WAPL: variants seen among roughly 807,000 people sequenced by gnomAD.
WAPL encodes the protein wings apart-like protein homolog.
Under a neutral mutation model 121.0 loss-of-function variants are expected in WAPL, and 5 were observed. The observed-to-expected ratio is 0.04, with a 90% CI of 0.02 to 0.09. WAPL has a LOEUF of 0.09. Ranked by LOEUF, WAPL falls within the 10% of genes least tolerant of loss-of-function variation. The pLI is 1.00. For synonymous variants in WAPL, 480 were observed against 481.5 expected, an observed-to-expected ratio of 1.00 and a Z score of 0.04; for missense variants, 999 against 1,410.8, an observed-to-expected ratio of 0.71 and a Z score of 4.68.
At chr10:86,498,445 G>A (rs1842189646) in intron 3 of WAPL, among the ~76,000 whole-genome samples, 1 of 152,018 alleles carries the variant, frequency 6.6e-6, no homozygotes. Flanking sequence ...GGGTACTCCT[G>A]TGTATGTCTA....
chr10:86,446,562 A>T, intron 15 of WAPL, 113 bp from the exon 16 acceptor site: 1 of 1,199,226 alleles, frequency 8.3e-7, no homozygotes, highest in Non-Finnish European at 1.1e-6. Flanking sequence ...TAAGATGGTT[A>T]TGTGATAAAA....
chr10:86,519,325 C>A (rs907141837), intron 1 of WAPL, among the ~76,000 whole-genome samples: 1 of 152,080 alleles, frequency 6.6e-6, no homozygotes, highest in South Asian at 2.1e-4. Context: ...AAAAAGTGAA[C>A]AAGGGCCTAA....
In WAPL at chr10:86,497,267, C is replaced by A; in HGVS notation, c.1578G>T (p.Lys526Asn). ...ATTTATCTCCTTGTTTATTTATGGG[C>A]TTCTTCACACTTTCAGGCACACCAG... ...DLPGVPESVKKPINKQGDKSK... is the reference protein window; with the variant it reads ...DLPGVPESVKNPINKQGDKSK... The change falls in exon 4 of 19, where the codon AAG becomes AAT. Residue 526 changes from lysine to asparagine, a missense_variant. Physicochemically the swap from Lys to Asn is moderately conservative, Grantham distance 94 (BLOSUM62 0). Transcript: ENST00000298767. The A allele has an allele frequency of 6.2e-7, 1 of 1,612,580 alleles. No homozygotes were observed. Among genetic ancestry groups the A allele is most frequent in the Non-Finnish European group, 8.5e-7 (1 of 1,179,630 alleles).
rs940616484 is a variant in WAPL, at chr10:86,472,416, C to A, written c.1894-72G>T. 7 of 1,554,596 alleles carry A rather than the reference C, an allele frequency of 4.5e-6. No homozygotes were observed. The South Asian group carries it at 6.1e-5, about 14-fold the overall frequency. On this transcript the variant is annotated intron_variant, in intron 6 of 18. Transcript: ENST00000298767. This position sits in a 1 kb window ranked among gnomAD's most constrained non-coding sequence, Gnocchi z 4.2. ...TATTTAAATCTATGGGCTCACTGTA[C>A]TTTACATAAGTGCATAAAATAGTTC...
chr10:86,457,385 G>A lies in WAPL; in HGVS notation c.2657+1604C>T, dbSNP rs1225462484. Among the ~76,000 whole-genome samples, 5 of 151,326 alleles carry A rather than the reference G, an allele frequency of 3.3e-5. No homozygotes were observed. The East Asian group carries it at 9.6e-4, about 29-fold the overall frequency. On this transcript the variant is annotated intron_variant, in intron 12 of 18. Coordinates refer to ENST00000298767, the MANE Select transcript of WAPL (RefSeq NM_015045.5). ...TATATAAAATAGGCCAGGCACGGTG[G>A]CTCACATCTGTAATCCCAACACTTT...
chr10:86,507,608 TCAA>T (rs1842376139), intron 2 of WAPL, among the ~76,000 whole-genome samples: 3 of 152,146 alleles, frequency 2.0e-5, no homozygotes, highest in Admixed American at 2.0e-4. Flanking sequence ...TATCTCATCA[TCAA>T]CAATCTTCCG....
intron 4 of WAPL, among the ~76,000 whole-genome samples, chr10:86,493,783 C>T (rs1277615580): frequency 6.6e-6 from 1 of 152,066 alleles, no homozygotes; most frequent in Non-Finnish European, 1.5e-5. Context: ...AGGTGGATCA[C>T]CTGAGGCCAG....
intron 4 of WAPL, among the ~76,000 whole-genome samples, chr10:86,474,983 A>C (rs1202411023): frequency 6.6e-6 from 1 of 152,212 alleles, no homozygotes; most frequent in African/African-American, 2.4e-5. Flanking sequence ...GGGATCCAAA[A>C]AAGTACCATG....
intron 3 of WAPL, 127 bp downstream of exon 3, chr10:86,499,591 A>C: frequency 1.1e-6 from 1 of 881,524 alleles, no homozygotes; most frequent in Non-Finnish European, 1.6e-6. Context: ...TGGGATCTTT[A>C]TCTTATTATA....
chr10:86,507,230 T>C (rs1354946527), intron 2 of WAPL, among the ~76,000 whole-genome samples: 2 of 151,184 alleles, frequency 1.3e-5, no homozygotes, highest in African/African-American at 2.4e-5. Context: ...TAGCCAGGTG[T>C]GGTGACAGGC....
At chr10:86,457,110 T>C (rs1411044268) in intron 12 of WAPL, among the ~76,000 whole-genome samples, 2 of 152,046 alleles carry the variant, frequency 1.3e-5, no homozygotes, top group African/African-American at 4.8e-5. Context: ...AAAAAGAAAA[T>C]GAAATCAGAA....
At chr10:86,486,158 C>T (rs1198726921) in intron 4 of WAPL, among the ~76,000 whole-genome samples, 1 of 152,220 alleles carries the variant, frequency 6.6e-6, no homozygotes, top group African/African-American at 2.4e-5. Flanking sequence ...CACAATACCA[C>T]ATGATGACTG....
At chr10:86,503,650 G>A (rs1842289064) in intron 2 of WAPL, among the ~76,000 whole-genome samples, 1 of 151,956 alleles carries the variant, frequency 6.6e-6, no homozygotes, top group Admixed American at 6.6e-5. Flanking sequence ...CTACCCGGGA[G>A]GCTGAGGCAG....
intron 15 of WAPL, among the ~76,000 whole-genome samples, chr10:86,449,720 GT>G (rs757854468): frequency 1.4e-4 from 21 of 152,120 alleles, no homozygotes; most frequent in Non-Finnish European, 2.9e-4. Flanking sequence ...CTGACGGTAA[GT>G]TTTTATTCAT....
At chr10:86,493,029 C>A (rs527611803) in intron 4 of WAPL, among the ~76,000 whole-genome samples, 8 of 148,530 alleles carry the variant, frequency 5.4e-5, no homozygotes, top group African/African-American at 2.0e-4. Flanking sequence ...CCACTGCACT[C>A]GAGCCTGGGT....
intron 4 of WAPL, among the ~76,000 whole-genome samples, chr10:86,474,906 C>G (rs1368322655): frequency 6.6e-6 from 1 of 152,146 alleles, no homozygotes; most frequent in Admixed American, 6.5e-5. Context: ...TGTGTGCCAC[C>G]ACTCAAGAGT....
At chr10:86,465,989 A>C (rs1467602288) in intron 9 of WAPL, among the ~76,000 whole-genome samples, 1 of 152,072 alleles carries the variant, frequency 6.6e-6, no homozygotes, top group East Asian at 1.9e-4. Context: ...ACTGGCCTAG[A>C]AGTGGATGGA....
intron 2 of WAPL, among the ~76,000 whole-genome samples, chr10:86,512,461 A>G (rs780324316): frequency 6.6e-6 from 1 of 152,252 alleles, no homozygotes; most frequent in Non-Finnish European, 1.5e-5. Context: ...AAAAACCTGT[A>G]GCAGAACAAA....
chr10:86,470,523 T>C lies in WAPL; in HGVS notation c.2142+469A>G, dbSNP rs188036984. Among the ~76,000 whole-genome samples the C allele has an allele frequency of 5.3e-5, 8 of 152,282 alleles. No individual in the cohort carries two copies. In the East Asian group the frequency reaches 1.5e-3, roughly 29 times the overall value. On this transcript the variant is annotated intron_variant, in intron 8 of 18. Transcript: ENST00000298767. ...TTATGTTTATCATTATGCAAAAGCATCAAAGGCAAGGAAAATGAAGAAATT... is the reference window on the plus strand; with the variant it reads ...TTATGTTTATCATTATGCAAAAGCACCAAAGGCAAGGAAAATGAAGAAATT...
Sources: allele counts gnomAD v4.1 joint callset (sites outside exome capture counted in the v4.1 genomes callset), GRCh38; gene constraint gnomAD v4.1.1; non-coding constraint Gnocchi (gnomAD v3.1); transcripts MANE v1.5; gene names NCBI Gene and HGNC (gene_info 2026-07-23, HGNC 2026-07-21).